The following TTC32 variants were observed in gnomAD, a reference collection of about 807,000 sequenced individuals.
TTC32 encodes tetratricopeptide repeat domain 32.
A neutral mutation model predicts 15.3 loss-of-function variants in TTC32; 16 were observed. The observed-to-expected ratio is 1.05, with a 90% CI of 0.71 to 1.59. TTC32 has a LOEUF of 1.59. TTC32 is among the 40% of genes most tolerant of loss of function. TTC32 has a pLI of 0.00. For synonymous variants in TTC32, 89 were observed against 67.8 expected, an observed-to-expected ratio of 1.31 and a Z score of -1.53; for missense variants, 188 against 181.9, an observed-to-expected ratio of 1.03 and a Z score of -0.19.
In TTC32 at chr2:19,896,863, TTAAC is replaced by T; in HGVS notation, c.*120_*123del. Reference sequence around the variant, plus strand: ...AAATTAACTACCTTAAACACACTATTTAACTTTCAGTGCTAATGTATTAATTTCT... The same window carrying T: ...AAATTAACTACCTTAAACACACTATTTTTCAGTGCTAATGTATTAATTTCT... On this transcript the variant is annotated 3_prime_UTR_variant, in exon 3 of 3. Transcript: ENST00000333610. 2.1e-6 allele frequency: 2 copies of T among 945,632 alleles called. No individual in the cohort carries two copies. Among genetic ancestry groups the T allele is most frequent in the Non-Finnish European group, 3.0e-6 (2 of 676,444 alleles). The allele number at this position is 945,632 out of a possible 1,614,324, so 58.6% of individuals were successfully genotyped here. A position where few individuals can be genotyped will look rare whatever the true frequency, so the allele number is the denominator to read the frequency against.
At chr2:19,898,567 T>A (rs1479357503) in intron 1 of TTC32, 1 of 152,272 alleles carries the variant, frequency 6.6e-6, no homozygotes, top group East Asian at 1.9e-4. Context: ...CAGGAAGTTA[T>A]CTCTGGGGAC....
rs145409154 is a variant in TTC32 at position 19,897,403 on chromosome 2, CTG to C, written c.317-279_317-278del. Among the ~76,000 whole-genome samples the C allele has an allele frequency of 7.9e-3, 1,204 of 152,262 alleles. 15 individuals carry two copies. Among genetic ancestry groups the C allele is most frequent in the African/African-American group, 0.027 (1,128 of 41,552 alleles). On this transcript the variant is annotated intron_variant, in intron 2 of 2. Transcript: ENST00000333610. Reference sequence around the variant, plus strand: ...CAATCATCTTAAAATTTTAATAAAACTGTATCACCTGTTTTACATAATTGCAG... The same window carrying C: ...CAATCATCTTAAAATTTTAATAAAACTATCACCTGTTTTACATAATTGCAG...
intron 1 of TTC32, among the ~76,000 whole-genome samples, chr2:19,898,636 G>C (rs935717970): frequency 6.6e-6 from 1 of 152,196 alleles, no homozygotes; most frequent in Non-Finnish European, 1.5e-5. Flanking sequence ...CTGGCTTCCT[G>C]CTAGGAGGGT....
intron 1 of TTC32, 45 bp downstream of exon 1, chr2:19,901,661 G>C (rs370202958): frequency 7.6e-6 from 12 of 1,587,390 alleles, no homozygotes; most frequent in Non-Finnish European, 1.0e-5. Flanking sequence ...CCCCAACGTC[G>C]CCTCCACCCG....
rs138352900 is a variant in TTC32 at position 19,900,274 on chromosome 2, T to C, written c.149+1432A>G. Among the ~76,000 whole-genome samples the C allele has an allele frequency of 1.3e-3, 194 of 152,350 alleles. No homozygotes were observed. In the Middle Eastern group the frequency reaches 0.037, roughly 29 times the overall value. On this transcript the variant is annotated intron_variant, in intron 1 of 2. Coordinates refer to ENST00000333610, the MANE Select transcript of TTC32 (RefSeq NM_001008237.3). Reference sequence around the variant, plus strand: ...GAAACATGAATAGTTTCGCTTTCTATGTTTACTTATCTTTTTTATGGGGGA... The same window carrying C: ...GAAACATGAATAGTTTCGCTTTCTACGTTTACTTATCTTTTTTATGGGGGA...
chr2:19,897,837 T>C (rs776970631), intron 2 of TTC32, 32 bp downstream of exon 2: 2 of 1,448,988 alleles, frequency 1.4e-6, no homozygotes, highest in Non-Finnish European at 1.8e-6. Flanking sequence ...ATACAGTCAA[T>C]GACAAAACTC....
intron 1 of TTC32, among the ~76,000 whole-genome samples, chr2:19,900,418 G>GT (rs563429486): frequency 4.8e-4 from 73 of 152,248 alleles, no homozygotes; most frequent in Non-Finnish European, 8.4e-4. Flanking sequence ...TCCATGTAGC[G>GT]TAACAAACAG....
At position 19,901,899 on chromosome 2, in the gene TTC32, C is replaced by G; in HGVS notation, c.-45G>C. 1 of 1,610,620 alleles carries G rather than the reference C, an allele frequency of 6.2e-7. No individual in the cohort carries two copies. ...TCGGTGTAGAATGGGGGTTGACCTC[C>G]GAGCGGTTAGAGGTGGCACCACAAA... On this transcript the variant is annotated 5_prime_UTR_variant, in exon 1 of 3. Transcript: ENST00000333610.
At chr2:19,901,059 C>T (rs755022151) in intron 1 of TTC32, 2 of 471,128 alleles carry the variant, frequency 4.2e-6, no homozygotes, top group African/African-American at 4.0e-5. Context: ...GGTTCCAACA[C>T]TGACGACTTG....
rs1572292802 is a variant in TTC32 at position 19,901,517 on chromosome 2, G to A, written c.149+189C>T. ...TCCTCACGGGTGGGCTTCTCCCCGCGTTCTCCGCCGCCCTCGTCCTAGGCC... is the reference window on the plus strand; with the variant it reads ...TCCTCACGGGTGGGCTTCTCCCCGCATTCTCCGCCGCCCTCGTCCTAGGCC... On this transcript the variant is annotated intron_variant, in intron 1 of 2. Coordinates refer to ENST00000333610, the MANE Select transcript of TTC32 (RefSeq NM_001008237.3). 5 of 710,170 alleles carry A rather than the reference G, an allele frequency of 7.0e-6. No homozygotes were observed. The East Asian group carries it at 1.6e-4, about 23-fold the overall frequency. The allele number at this position is 710,170 out of a possible 1,614,324, so 44.0% of individuals were successfully genotyped here.
In TTC32 at chr2:19,901,784, T is replaced by G. The variant is rs766820028; in HGVS notation, c.71A>C (p.Tyr24Ser). ...GGAGTACAGTGCCTCGGCCTCCGCG[T>G]ACTCTCCATTGTTGAAATGAGCCTG... is the stretch of plus-strand genomic sequence containing the variant. ...LAQAHFNNGE[Y>S]AEAEALYSAY... The change falls in exon 1 of 3, where the codon TAC becomes TCC. Residue 24 changes from tyrosine (Y) to serine (S), a missense_variant. Physicochemically the swap from Tyr to Ser is moderately radical, Grantham distance 144. Transcript: ENST00000333610. 1 of 1,614,222 alleles carries G rather than the reference T, an allele frequency of 6.2e-7. No individual in the cohort carries two copies. The highest frequency in any genetic ancestry group is 8.5e-7 in the Non-Finnish European group (1 of 1,180,038).
At chr2:19,897,354 T>A (rs988945759) in intron 2 of TTC32, among the ~76,000 whole-genome samples, 2 of 152,222 alleles carry the variant, frequency 1.3e-5, no homozygotes, top group Non-Finnish European at 2.9e-5. Flanking sequence ...GTTTATTTAT[T>A]GAGATTTAAC....
At chr2:19,900,811 C>T (rs1669588523) in intron 1 of TTC32, among the ~76,000 whole-genome samples, 1 of 152,186 alleles carries the variant, frequency 6.6e-6, no homozygotes, top group African/African-American at 2.4e-5. Context: ...TGGATCAAAC[C>T]TCAAGGTTTA....
intron 2 of TTC32, among the ~76,000 whole-genome samples, chr2:19,897,495 T>C (rs1669529835): frequency 6.6e-6 from 1 of 152,224 alleles, no homozygotes; most frequent in Admixed American, 6.5e-5. Context: ...CTACCTATGG[T>C]CCCTTTAATC....
At chr2:19,899,557 G>A (rs753249490) in intron 1 of TTC32, among the ~76,000 whole-genome samples, 1 of 151,538 alleles carries the variant, frequency 6.6e-6, no homozygotes. Flanking sequence ...AGTTGAAGCC[G>A]AAATTTTCTG....
In TTC32 at chr2:19,897,000, G is replaced by A. The variant is rs202181660; in HGVS notation, c.443C>T (p.Ala148Val). ...DKEEKQRRNV[A>V]KNY Reference sequence around the variant, plus strand: ...AAGTTAAAAATATCAATAATTTTTTGCAACATTTCTTCTTTGTTTTTCTTC... The same window carrying A: ...AAGTTAAAAATATCAATAATTTTTTACAACATTTCTTCTTTGTTTTTCTTC... Residue 148 changes from alanine to valine, a missense_variant, in exon 3 of 3, where the codon GCA becomes GTA. Ala to Val is a moderately conservative substitution (Grantham distance 64). Transcript: ENST00000333610. The A allele has an allele frequency of 3.8e-6, 6 of 1,577,412 alleles. No individual in the cohort carries two copies. The East Asian group carries it at 1.4e-4, about 36-fold the overall frequency.
intron 1 of TTC32, 42 bp from the exon 2 acceptor site, chr2:19,898,077 A>C: frequency 1.4e-6 from 2 of 1,437,202 alleles, no homozygotes; most frequent in South Asian, 1.6e-5. Flanking sequence ...GTGTTACCAA[A>C]TTCCTCTCAT....
At chr2:19,900,776 C>A (rs1180129263) in intron 1 of TTC32, among the ~76,000 whole-genome samples, 1 of 152,194 alleles carries the variant, frequency 6.6e-6, no homozygotes, top group Admixed American at 6.5e-5. Flanking sequence ...AGTATTCTTG[C>A]CATGATATTG....
At chr2:19,901,077 G>T in intron 1 of TTC32, 2 of 471,288 alleles carry the variant, frequency 4.2e-6, no homozygotes, top group Non-Finnish European at 8.8e-6. Flanking sequence ...TTGATATTAA[G>T]TAACTATGTG....
Sources: allele counts gnomAD v4.1 joint callset (sites outside exome capture counted in the v4.1 genomes callset), GRCh38; gene constraint gnomAD v4.1.1; transcripts MANE v1.5; gene names NCBI Gene and HGNC (gene_info 2026-07-23, HGNC 2026-07-21).